Variants in LRPPRC observed in about 807,000 individuals in gnomAD.
The protein encoded by LRPPRC is leucine rich pentatricopeptide repeat containing, also known as leucine-rich PPR motif-containing protein, mitochondrial.
In LRPPRC, 120 loss-of-function variants were observed where a neutral mutation model predicts 180.3. The observed-to-expected ratio is 0.67, with a 90% CI of 0.57 to 0.77. The LOEUF is 0.77. Among genes scored for constraint, LRPPRC ranks in the 30% least tolerant of loss-of-function variants. The pLI is 0.00. For synonymous variants in LRPPRC, 723 were observed against 600.0 expected, an observed-to-expected ratio of 1.21 and a Z score of -3.00; for missense variants, 2,012 against 1,657.2, an observed-to-expected ratio of 1.21 and a Z score of -3.72.
Position 43,973,894 on chromosome 2 carries a change from C to T in LRPPRC, c.1162G>A (p.Glu388Lys). 1 of 1,595,460 alleles carries T rather than the reference C, an allele frequency of 6.3e-7. No individual in the cohort carries two copies. The highest frequency in any genetic ancestry group is 1.1e-5 in the South Asian group (1 of 90,738). The change falls in exon 10 of 38, where the codon GAG becomes AAG. Residue 388 changes from glutamate to lysine, a missense_variant. By Grantham distance (56) the Glu-to-Lys change is moderately conservative. Coordinates refer to ENST00000260665, the MANE Select transcript of LRPPRC (RefSeq NM_133259.4). ...QHCVTMNTPV[E>K]KLTDYCKKLK... ...TTCTTACAGTAGTCTGTTAGCTTCT[C>T]CACAGGCTGTGGGAAAAAAGTCACC...
Position 43,918,091 on chromosome 2 carries a change from C to T in LRPPRC, c.3082G>A (p.Ala1028Thr). ...TGGAAATCAGGTTCTGTGGTTGAGG[C>T]TGACGAAGAATTCAGGGAATGTTTT... Reference protein sequence around the residue: ...DEKHSLNSSSASTTEPDFQKD... With the variant: ...DEKHSLNSSSTSTTEPDFQKD... The change falls in exon 29 of 38, where the codon GCC (alanine) becomes ACC (threonine). Residue 1028 changes from alanine to threonine, a missense_variant. Physicochemically the swap from Ala to Thr is moderately conservative, Grantham distance 58. Coordinates refer to ENST00000260665, the MANE Select transcript of LRPPRC (RefSeq NM_133259.4). 1.2e-6 allele frequency: 2 copies of T among 1,613,252 alleles called. No individual in the cohort carries two copies. Among genetic ancestry groups the T allele is most frequent in the Non-Finnish European group, 1.7e-6 (2 of 1,179,776 alleles).
intron 27 of LRPPRC, among the ~76,000 whole-genome samples, chr2:43,924,831 G>A (rs1460889295): frequency 2.0e-5 from 3 of 152,094 alleles, no homozygotes; most frequent in Non-Finnish European, 2.9e-5. Flanking sequence ...TCTGATGAAG[G>A]TTTTCGTACT....
At position 43,945,435 on chromosome 2, in the gene LRPPRC, A is replaced by G. The variant is rs759956283; in HGVS notation, c.2211-18T>C. The G allele has an allele frequency of 1.4e-6, 2 of 1,478,374 alleles. No individual in the cohort carries two copies. The highest frequency in any genetic ancestry group is 1.1e-5 in the South Asian group (1 of 88,352). The allele number at this position is 1,478,374 out of a possible 1,614,324, so 91.6% of individuals were successfully genotyped here. A position where few individuals can be genotyped will look rare whatever the true frequency, so the allele number is the denominator to read the frequency against. On this transcript the variant is annotated intron_variant, in intron 21 of 37. Coordinates refer to ENST00000260665, the MANE Select transcript of LRPPRC (RefSeq NM_133259.4). ...AGCGGTCACTAAAAATTAAAGCCAC[A>G]TTTATATTGTTTTAAAAGTCAATTA...
chr2:43,913,169 T>C (rs1172366277), intron 29 of LRPPRC, among the ~76,000 whole-genome samples: 1 of 152,206 alleles, frequency 6.6e-6, no homozygotes, highest in Non-Finnish European at 1.5e-5. Context: ...GCAACATTTG[T>C]TTGACTGATT....
intron 25 of LRPPRC, among the ~76,000 whole-genome samples, chr2:43,932,832 T>C (rs937195588): frequency 3.3e-5 from 5 of 152,222 alleles, no homozygotes; most frequent in African/African-American, 9.6e-5. Flanking sequence ...AGCAGGTAGA[T>C]GGCAAAACAA....
intron 1 of LRPPRC, among the ~76,000 whole-genome samples, chr2:43,991,853 G>A (rs1304818295): frequency 6.6e-6 from 1 of 152,172 alleles, no homozygotes; most frequent in African/African-American, 2.4e-5. Flanking sequence ...CAAGCTCAGG[G>A]TGAATTTGTG....
At chr2:43,913,501 A>T (rs1034508455) in intron 29 of LRPPRC, among the ~76,000 whole-genome samples, 6 of 152,228 alleles carry the variant, frequency 3.9e-5, no homozygotes, top group Admixed American at 2.0e-4. Flanking sequence ...GTTTCTGAAC[A>T]GGCGAAAATT....
intron 13 of LRPPRC, among the ~76,000 whole-genome samples, chr2:43,958,566 T>C (rs1673215902): frequency 6.6e-6 from 1 of 152,198 alleles, no homozygotes; most frequent in Non-Finnish European, 1.5e-5. Flanking sequence ...TAAAAGTCAC[T>C]TTTAAAATGA....
Position 43,948,247 on chromosome 2 carries a change from C to G in LRPPRC, c.1843-48G>C, listed in dbSNP as rs371160080. ...GGAAAAAACCTGAGTTTTAGACAAC[C>G]AAACTGAAATTTGTCTAACAGAAAT... On this transcript the variant is annotated intron_variant, in intron 17 of 37. Transcript: ENST00000260665. 9.0e-5 allele frequency: 97 copies of G among 1,079,348 alleles called. No homozygotes were observed. The African/African-American group carries it at 1.4e-3, about 15-fold the overall frequency. The allele number at this position is 1,079,348 out of a possible 1,614,324, so 66.9% of individuals were successfully genotyped here.
intron 1 of LRPPRC, among the ~76,000 whole-genome samples, chr2:43,994,932 G>A (rs558763270): frequency 6.6e-6 from 1 of 152,290 alleles, no homozygotes; most frequent in African/African-American, 2.4e-5. Flanking sequence ...TGCCTTGCAT[G>A]TGCTCATTCA....
chr2:43,918,792 G>GATAT (rs111297590), intron 27 of LRPPRC, among the ~76,000 whole-genome samples: 11 of 45,084 alleles, frequency 2.4e-4, no homozygotes, highest in African/African-American at 8.0e-4. Context: ...TATATATATA[G>GATAT]ATATATATAT....
In LRPPRC at chr2:43,888,667, G is replaced by A. The variant is rs765140035; in HGVS notation, c.4129-11C>T. 5.9e-6 allele frequency: 9 copies of A among 1,527,096 alleles called. No individual in the cohort carries two copies. The highest frequency in any genetic ancestry group is 1.7e-5 in the Admixed American group (1 of 59,746). 94.6% of individuals were successfully genotyped at this position (1,527,096 alleles called of 1,614,324 possible). The stretch of plus-strand genomic sequence containing the variant: ...AAATTCAAAGCTTTCCTGTTAAGGA[G>A]AAAAAAAGAGGGAAGTTAGAGATAC... On this transcript the variant is annotated splice_polypyrimidine_tract_variant and intron_variant, in intron 37 of 37. Transcript: ENST00000260665.
In LRPPRC at chr2:43,918,336, T is replaced by C. The variant is rs1423896934; in HGVS notation, c.2959A>G (p.Ile987Val). The C allele has an allele frequency of 1.9e-6, 3 of 1,609,192 alleles. No homozygotes were observed. The highest frequency in any genetic ancestry group is 2.6e-6 in the Non-Finnish European group (3 of 1,175,524). The change falls in exon 28 of 38, where the codon ATT (isoleucine) becomes GTT (valine). Residue 987 changes from isoleucine to valine, a missense_variant. Ile to Val is a conservative substitution (Grantham distance 29). Coordinates refer to ENST00000260665, the MANE Select transcript of LRPPRC (RefSeq NM_133259.4). ...AATCTTAATGTCTTTTCACGAGGAATAACATTTTCTTCTTGGATTTTATTC... is the reference window on the plus strand; with the variant it reads ...AATCTTAATGTCTTTTCACGAGGAACAACATTTTCTTCTTGGATTTTATTC... ...VWNKIQEENVIPREKTLRLLA... is the reference protein window; with the variant it reads ...VWNKIQEENVVPREKTLRLLA...
At chr2:43,914,806 C>T (rs891833517) in intron 29 of LRPPRC, among the ~76,000 whole-genome samples, 3 of 152,230 alleles carry the variant, frequency 2.0e-5, no homozygotes, top group African/African-American at 4.8e-5. Flanking sequence ...GGTAGCTCCA[C>T]ATTTATAATA....
chr2:43,947,845 G>T, intron 18 of LRPPRC, 70 bp from the exon 19 acceptor site: 1 of 1,026,624 alleles, frequency 9.7e-7, no homozygotes, highest in Non-Finnish European at 1.5e-6. Context: ...AACATCAAAA[G>T]CAAATTTGTA....
intron 1 of LRPPRC, among the ~76,000 whole-genome samples, chr2:43,983,606 C>G (rs1165801355): frequency 6.6e-6 from 1 of 152,134 alleles, no homozygotes; most frequent in Non-Finnish European, 1.5e-5. Flanking sequence ...TTGCAAATAT[C>G]TTAGTTACAG....
chr2:43,898,099 A>G (rs1670754273), intron 34 of LRPPRC, among the ~76,000 whole-genome samples: 1 of 151,798 alleles, frequency 6.6e-6, no homozygotes, highest in East Asian at 1.9e-4. Flanking sequence ...CAAAGGAAAA[A>G]AAGTAAACAA....
At chr2:43,953,272 A>C (rs1474601658) in intron 14 of LRPPRC, among the ~76,000 whole-genome samples, 1 of 152,230 alleles carries the variant, frequency 6.6e-6, no homozygotes, top group Non-Finnish European at 1.5e-5. Context: ...GTAGTTACAC[A>C]AGTGCTCTGA....
chr2:43,891,092 AAC>A (rs1670474680), intron 36 of LRPPRC, among the ~76,000 whole-genome samples: 1 of 152,196 alleles, frequency 6.6e-6, no homozygotes, highest in Non-Finnish European at 1.5e-5. Context: ...GTGGAGTTGG[AAC>A]ACATCTTTGC....
Sources: allele counts gnomAD v4.1 joint callset (sites outside exome capture counted in the v4.1 genomes callset), GRCh38; gene constraint gnomAD v4.1.1; transcripts MANE v1.5; gene names NCBI Gene and HGNC (gene_info 2026-07-23, HGNC 2026-07-21).